The following ZFYVE28 variants were observed in gnomAD, a reference collection of about 807,000 sequenced individuals.
The protein encoded by ZFYVE28 is zinc finger FYVE-type containing 28.
Under a neutral mutation model 82.1 loss-of-function variants are expected in ZFYVE28, and 40 were observed. That is an observed-to-expected ratio of 0.49 (90% CI 0.38 to 0.63). The LOEUF (loss-of-function observed/expected upper bound fraction) is 0.63. ZFYVE28 is among the 30% of genes least tolerant of loss of function. The pLI, the probability that ZFYVE28 is intolerant of heterozygous loss-of-function variation, is 0.00. For missense variants in ZFYVE28, 1,321 were observed against 1,242.1 expected (o/e 1.06, Z -0.96); for synonymous variants, 612 against 546.1 (o/e 1.12, Z -1.68).
chr4:2,301,309 T>C (rs1715484233), intron 8 of ZFYVE28, among the ~76,000 whole-genome samples: 1 of 152,218 alleles, frequency 6.6e-6, no homozygotes, highest in Non-Finnish European at 1.5e-5. Context: ...ATGGGACAGC[T>C]GCCATGTGCT....
Position 2,304,527 on chromosome 4 carries a change from T to C in ZFYVE28, c.1813A>G (p.Arg605Gly). ...GCCTCCTCCTGTCTCTCAGGGGCCC[T>C]GTCGCTGGCCTTGGCTAAGCCGGCA... ...YAAGLAKASD[R>G]APERQEEAPP... The change falls in exon 8 of 13, where the codon AGG becomes GGG. Residue 605 changes from arginine to glycine, a missense_variant. Physicochemically the swap from Arg to Gly is moderately radical, Grantham distance 125. This residue lies in a region of ZFYVE28 where 978 missense variants were observed against 833.7 expected (regional missense o/e 1.17). Transcript: ENST00000290974. 6.2e-7 allele frequency: 1 copy of C among 1,612,654 alleles called. No homozygotes were observed. Among genetic ancestry groups the C allele is most frequent in the Non-Finnish European group, 8.5e-7 (1 of 1,179,736 alleles).
chr4:2,383,844 G>A lies in ZFYVE28; in HGVS notation c.40-29771C>T, dbSNP rs60905613. Reference sequence around the variant, plus strand: ...AGGGCCTTTCTCTGTGTGTGGTGTCGCTGGCGTGTGTTACAGACACTCGCT... The same window carrying A: ...AGGGCCTTTCTCTGTGTGTGGTGTCACTGGCGTGTGTTACAGACACTCGCT... On this transcript the variant is annotated intron_variant, in intron 1 of 12. Coordinates refer to ENST00000290974, the MANE Select transcript of ZFYVE28 (RefSeq NM_020972.3). Among the ~76,000 whole-genome samples, 392 of 152,272 alleles carry A rather than the reference G, an allele frequency of 2.6e-3. 9 individuals carry two copies. In the East Asian group the frequency reaches 0.061, roughly 24 times the overall value.
intron 8 of ZFYVE28, among the ~76,000 whole-genome samples, chr4:2,299,257 A>C (rs1293125920): frequency 6.6e-6 from 1 of 152,146 alleles, no homozygotes; most frequent in Non-Finnish European, 1.5e-5. Flanking sequence ...CCAGGTTGGC[A>C]GTGATCAGAG....
chr4:2,328,091 A>G (rs1461460404), intron 6 of ZFYVE28, among the ~76,000 whole-genome samples: 3 of 152,374 alleles, frequency 2.0e-5, no homozygotes, highest in Admixed American at 1.3e-4. Flanking sequence ...CAGTTTGTTG[A>G]AGGGATGTCT....
At position 2,341,410 on chromosome 4, in the gene ZFYVE28, G is replaced by T; in HGVS notation, c.318+68C>A. ...GGCACCTGCAGGCGCCCATGCACAAGGTTCGCAGGGACTTGGCTAGACGCC... is the reference window on the plus strand; with the variant it reads ...GGCACCTGCAGGCGCCCATGCACAATGTTCGCAGGGACTTGGCTAGACGCC... On this transcript the variant is annotated intron_variant, in intron 3 of 12. Transcript: ENST00000290974. This position sits in a 1 kb window ranked among gnomAD's most constrained non-coding sequence, Gnocchi z 4.5. The T allele has an allele frequency of 4.4e-6, 7 of 1,587,596 alleles. No homozygotes were observed. The highest frequency in any genetic ancestry group is 6.0e-6 in the Non-Finnish European group (7 of 1,167,372).
In ZFYVE28 at chr4:2,341,286, T is replaced by A. The variant is rs564496553; in HGVS notation, c.318+192A>T. 8.3e-6 allele frequency: 6 copies of A among 724,772 alleles called. No homozygotes were observed. The East Asian group carries it at 1.4e-4, about 17-fold the overall frequency. 44.9% of individuals were successfully genotyped at this position (724,772 alleles called of 1,614,324 possible). On this transcript the variant is annotated intron_variant, in intron 3 of 12. Transcript: ENST00000290974. This position sits in a 1 kb window ranked among gnomAD's most constrained non-coding sequence, Gnocchi z 4.5. ...GTATAGTTTTGGGGGCACCAGTTCATGGCTTTCCCAGATCCTCCAGGGGTG... is the reference window on the plus strand; with the variant it reads ...GTATAGTTTTGGGGGCACCAGTTCAAGGCTTTCCCAGATCCTCCAGGGGTG...
chr4:2,340,752 C>T (rs941505287), intron 3 of ZFYVE28, among the ~76,000 whole-genome samples: 4 of 152,170 alleles, frequency 2.6e-5, no homozygotes, highest in Non-Finnish European at 4.4e-5. Context: ...GTAACTAACC[C>T]AAGCCTCGGC....
chr4:2,322,845 G>A (rs747704248), intron 6 of ZFYVE28, among the ~76,000 whole-genome samples: 2 of 152,122 alleles, frequency 1.3e-5, no homozygotes, highest in African/African-American at 2.4e-5. Flanking sequence ...CACATAATAC[G>A]TGACCTTTGT....
intron 1 of ZFYVE28, among the ~76,000 whole-genome samples, chr4:2,371,262 G>A (rs919684262): frequency 1.6e-4 from 25 of 152,174 alleles, no homozygotes; most frequent in African/African-American, 4.1e-4. Flanking sequence ...TGCCCGCGTC[G>A]TGCTCCCTGG....
At chr4:2,277,804 A>G (rs1319146977) in intron 8 of ZFYVE28, among the ~76,000 whole-genome samples, 1 of 152,242 alleles carries the variant, frequency 6.6e-6, no homozygotes, top group African/African-American at 2.4e-5. Context: ...GAAAGTGCCA[A>G]CTGCCTTTTT....
chr4:2,294,962 T>TAA (rs11392933), intron 8 of ZFYVE28, among the ~76,000 whole-genome samples: 35 of 149,486 alleles, frequency 2.3e-4, no homozygotes, highest in African/African-American at 3.7e-4. Context: ...AAAAATTACT[T>TAA]AAAAAAAAAA....
intron 1 of ZFYVE28, among the ~76,000 whole-genome samples, chr4:2,383,324 A>G (rs984342746): frequency 6.6e-6 from 1 of 151,970 alleles, no homozygotes; most frequent in Non-Finnish European, 1.5e-5. Context: ...GTCTCACGAG[A>G]TCTGATGGTT....
chr4:2,374,338 A>G (rs759728382), intron 1 of ZFYVE28, among the ~76,000 whole-genome samples: 4 of 152,234 alleles, frequency 2.6e-5, no homozygotes, highest in Non-Finnish European at 4.4e-5. Context: ...CAGGCCAGGC[A>G]TGGTGGCTCA....
intron 7 of ZFYVE28, among the ~76,000 whole-genome samples, chr4:2,317,063 A>T (rs1307180621): frequency 9.8e-5 from 14 of 142,538 alleles, no homozygotes; most frequent in African/African-American, 3.7e-4. Context: ...ATCTTGGTTC[A>T]CTGCAACCTC....
At chr4:2,298,893 A>G (rs1052017087) in intron 8 of ZFYVE28, among the ~76,000 whole-genome samples, 1 of 152,320 alleles carries the variant, frequency 6.6e-6, no homozygotes, top group African/African-American at 2.4e-5. Flanking sequence ...TCGGGGCTGC[A>G]GGATTGATGG....
At chr4:2,328,977 G>C (rs1045404288) in intron 6 of ZFYVE28, 1 of 572,710 alleles carries the variant, frequency 1.7e-6, no homozygotes, top group Non-Finnish European at 3.2e-6. Flanking sequence ...TTATTCCATT[G>C]GTCTATACAT....
intron 8 of ZFYVE28, among the ~76,000 whole-genome samples, chr4:2,297,974 C>G (rs1382294571): frequency 1.4e-5 from 2 of 143,064 alleles, no homozygotes; most frequent in African/African-American, 5.3e-5. Context: ...CACGGTGACA[C>G]AGTGACACGG....
chr4:2,403,886 T>C (rs1731480636), intron 1 of ZFYVE28, among the ~76,000 whole-genome samples: 1 of 146,350 alleles, frequency 6.8e-6, no homozygotes. Flanking sequence ...GGAGAATAGC[T>C]TGAAACCGAG....
chr4:2,276,786 G>C (rs1736495328), intron 8 of ZFYVE28, among the ~76,000 whole-genome samples: 1 of 152,010 alleles, frequency 6.6e-6, no homozygotes, highest in South Asian at 2.1e-4. Flanking sequence ...AGGTAGAACG[G>C]TGGGCGCCAG....
Sources: gnomAD v4.1 joint callset for allele counts (sites outside exome capture counted in the v4.1 genomes callset) on GRCh38, gnomAD v4.1.1 for gene constraint, gnomAD v4.1.1 regional missense constraint, Gnocchi (gnomAD v3.1) non-coding constraint, MANE v1.5 for transcripts, NCBI Gene and HGNC (gene_info 2026-07-23, HGNC 2026-07-21) for gene names.